XIRP2: variants seen among roughly 807,000 people sequenced by gnomAD.
XIRP2 encodes xin actin-binding repeat-containing protein 2.
Under a neutral mutation model 277.0 loss-of-function variants are expected in XIRP2, and 236 were observed. The observed-to-expected ratio is 0.85, with a 90% CI of 0.77 to 0.95. The LOEUF is 0.95. Ranked by LOEUF, XIRP2 falls within the 40% of genes least tolerant of loss-of-function variation. The pLI, the probability that XIRP2 is intolerant of heterozygous loss-of-function variation, is 0.00. For synonymous variants in XIRP2, 1,490 were observed against 1,416.5 expected, an observed-to-expected ratio of 1.05 and a Z score of -1.17; for missense variants, 4,640 against 4,157.5, an observed-to-expected ratio of 1.12 and a Z score of -3.19.
intron 2 of XIRP2, among the ~76,000 whole-genome samples, chr2:166,933,276 G>A (rs954619758): frequency 4.6e-5 from 7 of 151,488 alleles, no homozygotes; most frequent in Admixed American, 2.6e-4. Flanking sequence ...AGCCTCCCGA[G>A]TAGCTGGGAC....
chr2:167,066,113 T>A (rs1030799121), intron 2 of XIRP2, among the ~76,000 whole-genome samples: 3 of 151,856 alleles, frequency 2.0e-5, no homozygotes, highest in Non-Finnish European at 4.4e-5. Context: ...ACCCTCTTAA[T>A]AAATCTTTAA....
chr2:167,023,339 T>C (rs2105488893), intron 2 of XIRP2, among the ~76,000 whole-genome samples: 1 of 152,252 alleles, frequency 6.6e-6, no homozygotes, highest in Non-Finnish European at 1.5e-5. Flanking sequence ...GAGTTCATTA[T>C]AGATTCTGGA....
intron 2 of XIRP2, among the ~76,000 whole-genome samples, chr2:166,999,496 A>G (rs1337382110): frequency 6.6e-6 from 1 of 152,164 alleles, no homozygotes; most frequent in East Asian, 1.9e-4. Flanking sequence ...CAAAGAAACC[A>G]TTGGCAATGT....
At chr2:167,168,108 T>C (rs1692578719) in intron 3 of XIRP2, among the ~76,000 whole-genome samples, 1 of 152,210 alleles carries the variant, frequency 6.6e-6, no homozygotes, top group African/African-American at 2.4e-5. Flanking sequence ...TTATCTATGC[T>C]ATTCATTAGG....
intron 2 of XIRP2, among the ~76,000 whole-genome samples, chr2:167,010,997 T>A (rs1476102881): frequency 6.6e-6 from 1 of 152,122 alleles, no homozygotes; most frequent in East Asian, 1.9e-4. Flanking sequence ...TTTCTAGATA[T>A]ACAATCATGT....
chr2:167,201,242 GAA>G (rs1260181106), intron 3 of XIRP2, among the ~76,000 whole-genome samples: 41 of 98,848 alleles, frequency 4.1e-4, no homozygotes, highest in African/African-American at 1.6e-3. Flanking sequence ...AAGAAAGAAA[GAA>G]AGAAAGAAAG....
intron 2 of XIRP2, among the ~76,000 whole-genome samples, chr2:167,056,374 T>C (rs1291259247): frequency 6.6e-6 from 1 of 152,198 alleles, no homozygotes; most frequent in Non-Finnish European, 1.5e-5. Context: ...CTGCAGGTTA[T>C]CTTTCTATAT....
Position 167,117,990 on chromosome 2 carries a change from T to C in XIRP2, c.409-17919T>C, listed in dbSNP as rs578144017. Among the ~76,000 whole-genome samples the C allele has an allele frequency of 3.9e-5, 6 of 152,326 alleles. 1 individual carries two copies. The highest frequency in any genetic ancestry group is 1.4e-4 in the African/African-American group (6 of 41,584). On this transcript the variant is annotated intron_variant, in intron 2 of 10. Coordinates refer to ENST00000409195, the MANE Select transcript of XIRP2 (RefSeq NM_152381.6). The stretch of plus-strand genomic sequence containing the variant: ...GACAACAGAAAAACCACACTTGACA[T>C]TCTATTCCATGTATACATAAAATTT...
At chr2:166,912,249 C>G (rs1246664123) in intron 2 of XIRP2, among the ~76,000 whole-genome samples, 1 of 152,192 alleles carries the variant, frequency 6.6e-6, no homozygotes, top group South Asian at 2.1e-4. Context: ...GTACACCAAT[C>G]AGACATAGAT....
intron 2 of XIRP2, among the ~76,000 whole-genome samples, chr2:167,132,485 C>T (rs970122117): frequency 1.3e-5 from 2 of 150,874 alleles, no homozygotes; most frequent in Admixed American, 1.3e-4. Flanking sequence ...CATGGCAGAC[C>T]TGATTATGTC....
At chr2:167,216,950 G>A (rs1361636230) in intron 4 of XIRP2, among the ~76,000 whole-genome samples, 3 of 137,850 alleles carry the variant, frequency 2.2e-5, no homozygotes, top group African/African-American at 9.5e-5. Context: ...ATACTATGCA[G>A]CCATAAAAAA....
intron 2 of XIRP2, among the ~76,000 whole-genome samples, chr2:167,053,400 A>G (rs1205592342): frequency 1.3e-5 from 2 of 152,100 alleles, no homozygotes; most frequent in Non-Finnish European, 2.9e-5. Flanking sequence ...CCATCATTTG[A>G]CATTGTTTCT....
chr2:167,229,802 T>C (rs112747795), intron 5 of XIRP2, among the ~76,000 whole-genome samples: 4 of 152,252 alleles, frequency 2.6e-5, no homozygotes, highest in African/African-American at 7.2e-5. Flanking sequence ...CCTAGAGCCA[T>C]GCTGTTGTAG....
At chr2:167,207,739 A>C (rs1693899848) in intron 3 of XIRP2, among the ~76,000 whole-genome samples, 1 of 152,194 alleles carries the variant, frequency 6.6e-6, no homozygotes, top group Non-Finnish European at 1.5e-5. Flanking sequence ...AAATGGGCAT[A>C]AGTTGGATCT....
intron 2 of XIRP2, among the ~76,000 whole-genome samples, chr2:166,984,941 T>G (rs1574137761): frequency 6.6e-6 from 1 of 152,240 alleles, no homozygotes; most frequent in Non-Finnish European, 1.5e-5. Flanking sequence ...TACTGTGGCC[T>G]TACCTTTACC....
chr2:167,211,076 C>T (rs1265349978), intron 4 of XIRP2, among the ~76,000 whole-genome samples, 181 bp downstream of exon 4: 3 of 152,106 alleles, frequency 2.0e-5, no homozygotes, highest in African/African-American at 4.8e-5. Flanking sequence ...CTACTTATTA[C>T]TTGTGTGAAT....
intron 5 of XIRP2, among the ~76,000 whole-genome samples, chr2:167,237,159 T>G (rs1300717532): frequency 6.6e-6 from 1 of 152,244 alleles, no homozygotes; most frequent in Non-Finnish European, 1.5e-5. Context: ...ACATTTGTAC[T>G]GTTTATTTTG....
chr2:167,180,774 A>T (rs557428535), intron 3 of XIRP2, among the ~76,000 whole-genome samples: 1 of 152,042 alleles, frequency 6.6e-6, no homozygotes, highest in Non-Finnish European at 1.5e-5. Context: ...CACTTACTTC[A>T]CTTGCATTGG....
At chr2:166,980,977 G>A (rs1686851979) in intron 2 of XIRP2, among the ~76,000 whole-genome samples, 1 of 152,026 alleles carries the variant, frequency 6.6e-6, no homozygotes, top group Non-Finnish European at 1.5e-5. Context: ...ACCCACGTAT[G>A]GTTAATATTA....
Sources: gnomAD v4.1 joint callset for allele counts (sites outside exome capture counted in the v4.1 genomes callset) on GRCh38, gnomAD v4.1.1 for gene constraint, MANE v1.5 for transcripts, NCBI Gene and HGNC (gene_info 2026-07-23, HGNC 2026-07-21) for gene names.